The following FGFR1 variants were observed in gnomAD, a reference collection of about 807,000 sequenced individuals.
The protein encoded by FGFR1 is fibroblast growth factor receptor 1, also known as FGFR1/PLAG1 fusion.
FGFR1 carries 18 observed loss-of-function variants against 93.7 expected under a neutral mutation model. That is an observed-to-expected ratio of 0.19 (90% CI 0.13 to 0.28). FGFR1 has a LOEUF of 0.28. FGFR1 is among the 10% of genes least tolerant of loss of function. The probability of loss-of-function intolerance (pLI) is 1.00; values close to 1 mark genes in which losing one functional copy is unlikely to be tolerated. For missense variants in FGFR1, 731 were observed against 1,080.4 expected (o/e 0.68, Z 4.53); for synonymous variants, 448 against 429.3 (o/e 1.04, Z -0.54).
intron 13 of FGFR1, 41 bp downstream of exon 13, chr8:38,415,829 C>G (rs937632905): frequency 6.3e-6 from 10 of 1,595,192 alleles, no homozygotes; most frequent in Non-Finnish European, 8.6e-6. Context: ...GGGCTCTGTT[C>G]CCACCCTGGC....
At chr8:38,434,145 TTGCAGTCATC>T (rs1250795856) in intron 2 of FGFR1, among the ~76,000 whole-genome samples, 1 of 152,220 alleles carries the variant, frequency 6.6e-6, no homozygotes, top group African/African-American at 2.4e-5. Context: ...ACATACCACA[TTGCAGTCATC>T]AATTGACAGA....
intron 13 of FGFR1, 167 bp downstream of exon 13, chr8:38,415,703 T>TA: frequency 1.4e-6 from 1 of 736,314 alleles, no homozygotes; most frequent in Non-Finnish European, 2.4e-6. Context: ...ACACTGGTGC[T>TA]CCTGACTCTG....
At position 38,424,668 on chromosome 8, in the gene FGFR1, T is replaced by C. The variant is rs1245139055; in HGVS notation, c.777A>G (p.Ala259=). The change falls in exon 7 of 18, where the codon GCA becomes GCG. Residue 259 remains alanine (A), a synonymous_variant. Coordinates refer to ENST00000447712, the MANE Select transcript of FGFR1 (RefSeq NM_023110.3). The surrounding 1 kb of genome is among the most constrained non-coding windows in gnomAD (Gnocchi z 4.3). ...CCACTGTTTTGTTGGCGGGCAACCC[T>C]GCTTGCAGGATGGGCCGGTGAGGGG... is the stretch of plus-strand genomic sequence containing the variant. The part of the protein sequence containing the change: ...ERSPHRPILQ[A]GLPANKTVAL... 8.1e-6 allele frequency: 13 copies of C among 1,612,234 alleles called. No homozygotes were observed. Among genetic ancestry groups the C allele is most frequent in the Non-Finnish European group, 1.0e-5 (12 of 1,178,464 alleles).
intron 7 of FGFR1, chr8:38,423,818 G>C (rs867856229): frequency 6.1e-6 from 1 of 163,632 alleles, no homozygotes; most frequent in African/African-American, 2.4e-5. Flanking sequence ...GAGAAGAGAA[G>C]GGAGGGCCAG....
chr8:38,428,421 A>C lies in FGFR1; in HGVS notation c.373T>G (p.Ser125Ala). Residue 125 changes from serine to alanine, a missense_variant, in exon 4 of 18, where the codon TCG becomes GCG. By Grantham distance (99) the Ser-to-Ala change is moderately conservative. Transcript: ENST00000447712. ...SVNVSDALPS[S>A]EDDDDDDDSS... ...TCATCATCATCATCATCATCCTCCG[A>C]GGAGGGGAGAGCATCTATGGGAAGA... 1.2e-6 allele frequency: 2 copies of C among 1,612,930 alleles called. No individual in the cohort carries two copies. Among genetic ancestry groups the C allele is most frequent in the Non-Finnish European group, 1.7e-6 (2 of 1,179,628 alleles).
chr8:38,421,958 A>C lies in FGFR1; in HGVS notation c.937-17T>G. The C allele has an allele frequency of 6.2e-7, 1 of 1,613,988 alleles. No individual in the cohort carries two copies. Among genetic ancestry groups the C allele is most frequent in the Non-Finnish European group, 8.5e-7 (1 of 1,179,938 alleles). On this transcript the variant is annotated splice_polypyrimidine_tract_variant and intron_variant, in intron 7 of 17. Transcript: ENST00000447712. ...TCCAGCAGTCTAGAAGAGACAACGG[A>C]AGCAAAATGGACAAGCACAGGACAT...
At chr8:38,448,373 G>A (rs1249319087) in intron 2 of FGFR1, among the ~76,000 whole-genome samples, 3 of 151,466 alleles carry the variant, frequency 2.0e-5, no homozygotes, top group African/African-American at 4.9e-5. Flanking sequence ...TCCGCCTCGC[G>A]GGTTCAAGTG....
intron 1 of FGFR1, chr8:38,463,183 G>A (rs1172152162): frequency 6.1e-6 from 1 of 164,002 alleles, no homozygotes; most frequent in Non-Finnish European, 1.3e-5. Context: ...TGGGATTACA[G>A]GCATGAGCCA....
chr8:38,467,601 C>G, intron 1 of FGFR1: 1 of 235,908 alleles, frequency 4.2e-6, no homozygotes, highest in Non-Finnish European at 8.3e-6. Flanking sequence ...CCCACTCCCG[C>G]CCTCCTCCCC....
At chr8:38,459,514 GAAAAT>G (rs927189810) in intron 1 of FGFR1, among the ~76,000 whole-genome samples, 17 of 152,186 alleles carry the variant, frequency 1.1e-4, no homozygotes, top group Non-Finnish European at 2.2e-4. Flanking sequence ...TCAGAAAAGA[GAAAAT>G]GAAATGAATA....
At position 38,429,873 on chromosome 8, in the gene FGFR1, C is replaced by G. The variant is rs763858257; in HGVS notation, c.167G>C (p.Arg56Pro). Residue 56 changes from arginine to proline, a missense_variant, in exon 3 of 18, where the codon CGG becomes CCG. By Grantham distance (103) the Arg-to-Pro change is moderately radical. Transcript: ENST00000447712. The surrounding 1 kb of genome is among the most constrained non-coding windows in gnomAD (Gnocchi z 4.4). ...HPGDLLQLRC[R>P]LRDDVQSINW... ...GATGCTCTGCACATCGTCCCGCAGC[C>G]GACAGCGAAGCTGCAGCAGGTCACC... 6.2e-7 allele frequency: 1 copy of G among 1,614,022 alleles called. No individual in the cohort carries two copies. The highest frequency in any genetic ancestry group is 8.5e-7 in the Non-Finnish European group (1 of 1,180,002).
chr8:38,420,585 G>A (rs1368924668), intron 8 of FGFR1, among the ~76,000 whole-genome samples: 1 of 151,832 alleles, frequency 6.6e-6, no homozygotes, highest in Non-Finnish European at 1.5e-5. Flanking sequence ...AAGCCAGTTC[G>A]GTCCACCTTT....
At position 38,468,601 on chromosome 8, in the gene FGFR1, C is replaced by G; in HGVS notation, c.-709G>C. 1 of 229,878 alleles carries G rather than the reference C, an allele frequency of 4.4e-6. No individual in the cohort carries two copies. The highest frequency in any genetic ancestry group is 5.7e-5 in the Admixed American group (1 of 17,656). 14.2% of individuals were successfully genotyped at this position (229,878 alleles called of 1,614,324 possible). A position where few individuals can be genotyped will look rare whatever the true frequency, so the allele number is the denominator to read the frequency against. ...CTGCCGCCCGCCGCCGAGGACGCCG[C>G]GCCTGTGGCCGCAAGAGCGCTCCGA... On this transcript the variant is annotated 5_prime_UTR_variant, in exon 1 of 18. Transcript: ENST00000447712.
rs761247988 is a variant in FGFR1 at position 38,419,661 on chromosome 8, G to A, written c.1156C>T (p.Leu386Phe). The A allele has an allele frequency of 6.2e-7, 1 of 1,614,124 alleles. No individual in the cohort carries two copies. Among genetic ancestry groups the A allele is most frequent in the South Asian group, 1.1e-5 (1 of 91,084 alleles). Reference sequence around the variant, plus strand: ...ACCGACCCCACCATGCAGGAGATGAGGAAGGCCCCTGTGCAATAGATGATG... The same window carrying A: ...ACCGACCCCACCATGCAGGAGATGAAGAAGGCCCCTGTGCAATAGATGATG... ...EIIIYCTGAF[L>F]ISCMVGSVIV... is the part of the protein sequence containing the mutation. Residue 386 changes from leucine (L) to phenylalanine (F), a missense_variant, in exon 9 of 18, where the codon CTC becomes TTC. Around this residue, in one of 10 missense-constraint regions of FGFR1, gnomAD observed 146 missense variants for 173.0 expected, o/e 0.84. Coordinates refer to ENST00000447712, the MANE Select transcript of FGFR1 (RefSeq NM_023110.3).
rs1464812842 is a variant in FGFR1, at chr8:38,422,192, T to C, written c.937-251A>G. The C allele has an allele frequency of 1.3e-5, 7 of 523,332 alleles. No individual in the cohort carries two copies. The East Asian group carries it at 1.7e-4, about 12-fold the overall frequency. 32.4% of individuals were successfully genotyped at this position (523,332 alleles called of 1,614,324 possible). A position where few individuals can be genotyped will look rare whatever the true frequency, so the allele number is the denominator to read the frequency against. ...CTGGTTACGACCCTTCACCAGATGCTGGCAGCCACTGGCCCATCCGAGCAT... is the reference window on the plus strand; with the variant it reads ...CTGGTTACGACCCTTCACCAGATGCCGGCAGCCACTGGCCCATCCGAGCAT... On this transcript the variant is annotated intron_variant, in intron 7 of 17. Coordinates refer to ENST00000447712, the MANE Select transcript of FGFR1 (RefSeq NM_023110.3).
chr8:38,412,988 T>G lies in FGFR1; in HGVS notation c.*640A>C, dbSNP rs1814887552. The G allele has an allele frequency of 4.3e-6, 1 of 233,390 alleles. No homozygotes were observed. The highest frequency in any genetic ancestry group is 8.5e-6 in the Non-Finnish European group (1 of 118,008). The allele number at this position is 233,390 out of a possible 1,614,324, so 14.5% of individuals were successfully genotyped here. The stretch of plus-strand genomic sequence containing the variant: ...ATACTCAGATTTATACACTTTGTGT[T>G]TTCTTCATAGCTATATACAGAGCCC... On this transcript the variant is annotated 3_prime_UTR_variant, in exon 18 of 18. Coordinates refer to ENST00000447712, the MANE Select transcript of FGFR1 (RefSeq NM_023110.3).
At chr8:38,459,082 C>G (rs2151387545) in intron 1 of FGFR1, 1 of 229,366 alleles carries the variant, frequency 4.4e-6, no homozygotes, top group East Asian at 6.2e-5. Flanking sequence ...TGGGGTAAAA[C>G]TTAAAACTCC....
At chr8:38,446,125 G>A (rs1829178177) in intron 2 of FGFR1, among the ~76,000 whole-genome samples, 1 of 151,746 alleles carries the variant, frequency 6.6e-6, no homozygotes, top group African/African-American at 2.4e-5. Context: ...CCTTCCTAGG[G>A]AAGCTCTTAG....
Position 38,418,237 on chromosome 8 carries a change from G to A in FGFR1, c.1421C>T (p.Pro474Leu), listed in dbSNP as rs1817443708. 1 of 1,614,076 alleles carries A rather than the reference G, an allele frequency of 6.2e-7. No homozygotes were observed. Among genetic ancestry groups the A allele is most frequent in the African/African-American group, 1.3e-5 (1 of 74,942 alleles). The stretch of plus-strand genomic sequence containing the variant: ...GTCAAAGTATTATTACCTGTCCCGA[G>A]GCAGCTCCCAGCGAGGGTCTTCGGG... ...ELPEDPRWEL[P>L]RDRLVLGKPL... The change falls in exon 10 of 18, where the codon CCT (proline) becomes CTT (leucine). Residue 474 changes from proline to leucine, a missense_variant. This residue lies in a region of FGFR1 where 146 missense variants were observed against 173.0 expected (regional missense o/e 0.84). Transcript: ENST00000447712.
Sources: gnomAD v4.1 joint callset for allele counts (sites outside exome capture counted in the v4.1 genomes callset) on GRCh38, gnomAD v4.1.1 for gene constraint, gnomAD v4.1.1 regional missense constraint, Gnocchi (gnomAD v3.1) non-coding constraint, MANE v1.5 for transcripts, NCBI Gene and HGNC (gene_info 2026-07-23, HGNC 2026-07-21) for gene names.